F13A1: variants seen among roughly 807,000 people sequenced by gnomAD.
The protein encoded by F13A1 is coagulation factor XIII A chain.
In F13A1, 47 loss-of-function variants were observed where a neutral mutation model predicts 80.1. That is an observed-to-expected ratio of 0.59 (90% CI 0.46 to 0.75). The LOEUF (loss-of-function observed/expected upper bound fraction) is 0.75, where lower values mean the gene tolerates loss of function less well. Ranked by LOEUF, F13A1 falls within the 30% of genes least tolerant of loss-of-function variation. The pLI is 0.00. For synonymous variants in F13A1, 349 were observed against 344.9 expected (o/e 1.01, Z -0.13); for missense variants, 817 against 930.4 (o/e 0.88, Z 1.59).
Position 6,318,688 on chromosome 6 carries a change from G to T in F13A1, c.-18-6C>A. The T allele has an allele frequency of 4.7e-6, 7 of 1,488,484 alleles. No individual in the cohort carries two copies. The highest frequency in any genetic ancestry group is 2.0e-5 in the Admixed American group (1 of 50,574). 92.2% of individuals were successfully genotyped at this position (1,488,484 alleles called of 1,614,324 possible). ...ATTTTTGACTTTACAAGGTCCTTCAGAAAAAAAAAAAAAAGAAGACAACAG... is the reference window on the plus strand; with the variant it reads ...ATTTTTGACTTTACAAGGTCCTTCATAAAAAAAAAAAAAAGAAGACAACAG... On this transcript the variant is annotated splice_polypyrimidine_tract_variant and splice_region_variant and intron_variant, in intron 1 of 14. Coordinates refer to ENST00000264870, the MANE Select transcript of F13A1 (RefSeq NM_000129.4).
At chr6:6,205,716 A>AT (rs963466222) in intron 8 of F13A1, among the ~76,000 whole-genome samples, 48 of 148,574 alleles carry the variant, frequency 3.2e-4, no homozygotes, top group Admixed American at 6.1e-4. Flanking sequence ...GTGTTTTATT[A>AT]TTTTTTTTTT....
intron 3 of F13A1, among the ~76,000 whole-genome samples, chr6:6,288,927 C>T (rs1003846920): frequency 5.9e-5 from 9 of 152,142 alleles, no homozygotes; most frequent in African/African-American, 2.2e-4. Context: ...TTCCATAAGC[C>T]AGTTGGCCAT....
chr6:6,261,585 C>A (rs1757782358), intron 4 of F13A1, among the ~76,000 whole-genome samples: 1 of 83,638 alleles, frequency 1.2e-5, no homozygotes. Context: ...AACAAGCCCT[C>A]CAGGTGATTC....
intron 4 of F13A1, among the ~76,000 whole-genome samples, chr6:6,255,966 A>C (rs1757697539): frequency 6.6e-6 from 1 of 152,186 alleles, no homozygotes; most frequent in Non-Finnish European, 1.5e-5. Context: ...AACTCCAAAA[A>C]AACTCCCTAT....
At chr6:6,183,001 G>A (rs1761015764) in intron 10 of F13A1, among the ~76,000 whole-genome samples, 1 of 152,100 alleles carries the variant, frequency 6.6e-6, no homozygotes, top group South Asian at 2.1e-4. Flanking sequence ...CATGCTGTCT[G>A]CCCCCAAGCT....
intron 4 of F13A1, among the ~76,000 whole-genome samples, chr6:6,261,050 C>A (rs961067738): frequency 3.9e-5 from 6 of 152,144 alleles, no homozygotes; most frequent in African/African-American, 1.2e-4. Context: ...CTCACTGCAA[C>A]CTCCGCCTCC....
At chr6:6,229,341 C>T (rs908624531) in intron 6 of F13A1, among the ~76,000 whole-genome samples, 2 of 152,078 alleles carry the variant, frequency 1.3e-5, no homozygotes, top group East Asian at 1.9e-4. Flanking sequence ...AAATTGAGGA[C>T]CAAATCATAC....
chr6:6,291,405 C>A (rs1758222908), intron 3 of F13A1, among the ~76,000 whole-genome samples: 2 of 152,148 alleles, frequency 1.3e-5, no homozygotes, highest in South Asian at 4.1e-4. Flanking sequence ...ACCCACATTC[C>A]TCTCTAGTTA....
rs1212295423 is a variant in F13A1 at position 6,170,191 on chromosome 6, G to A, written c.1748-2573C>T. On this transcript the variant is annotated intron_variant, in intron 12 of 14. Coordinates refer to ENST00000264870, the MANE Select transcript of F13A1 (RefSeq NM_000129.4). ...TGCCTTTTGCCTCTAGCTGTTTCCA[G>A]TAATAACAATAATAAAATGACTTCT... Among the ~76,000 whole-genome samples the A allele has an allele frequency of 4.6e-5, 7 of 152,318 alleles. No homozygotes were observed. In the South Asian group the frequency reaches 1.5e-3, roughly 32 times the overall value.
intron 4 of F13A1, among the ~76,000 whole-genome samples, chr6:6,261,035 C>G (rs1757772921): frequency 6.6e-6 from 1 of 152,204 alleles, no homozygotes; most frequent in African/African-American, 2.4e-5. Context: ...GTGGTACGAT[C>G]TCGGCTCACT....
intron 12 of F13A1, among the ~76,000 whole-genome samples, chr6:6,173,931 A>C (rs1288104565): frequency 1.3e-5 from 2 of 152,154 alleles, no homozygotes; most frequent in Non-Finnish European, 2.9e-5. Context: ...GGGGTGGGAC[A>C]TGAGATTCTA....
intron 11 of F13A1, among the ~76,000 whole-genome samples, chr6:6,176,649 A>G (rs1197538022): frequency 1.3e-5 from 2 of 152,214 alleles, no homozygotes; most frequent in Non-Finnish European, 2.9e-5. Flanking sequence ...GGGAGGTAAG[A>G]AAAAGGGAAG....
intron 7 of F13A1, 134 bp from the exon 8 acceptor site, chr6:6,222,305 T>C: frequency 8.1e-7 from 1 of 1,231,108 alleles, no homozygotes; most frequent in Non-Finnish European, 1.2e-6. Flanking sequence ...TTCTCAAATG[T>C]TCCATGCTGG....
At chr6:6,259,555 C>T (rs1757749686) in intron 4 of F13A1, among the ~76,000 whole-genome samples, 1 of 152,034 alleles carries the variant, frequency 6.6e-6, no homozygotes, top group East Asian at 1.9e-4. Context: ...ATAGAGAAAT[C>T]CACACACACA....
At chr6:6,286,888 G>T (rs1758146962) in intron 3 of F13A1, among the ~76,000 whole-genome samples, 1 of 152,188 alleles carries the variant, frequency 6.6e-6, no homozygotes, top group African/African-American at 2.4e-5. Context: ...TCTGGCTCTG[G>T]CTGCTGTTAT....
intron 6 of F13A1, among the ~76,000 whole-genome samples, chr6:6,232,027 CAAAAACA>C (rs1459215379): frequency 6.6e-6 from 1 of 151,802 alleles, no homozygotes; most frequent in African/African-American, 2.4e-5. Flanking sequence ...AGTTAAAAAG[CAAAAACA>C]AAAAACAAAA....
intron 8 of F13A1, among the ~76,000 whole-genome samples, chr6:6,198,155 C>T (rs1227240643): frequency 1.3e-5 from 2 of 152,252 alleles, no homozygotes; most frequent in South Asian, 2.1e-4. Flanking sequence ...ATTTCCATCT[C>T]GTGTCCAACA....
chr6:6,281,878 C>T (rs1465451503), intron 3 of F13A1, among the ~76,000 whole-genome samples: 1 of 151,688 alleles, frequency 6.6e-6, no homozygotes, highest in Non-Finnish European at 1.5e-5. Flanking sequence ...CTGTAGTCCC[C>T]AGCTACCCAG....
At chr6:6,316,277 CTTG>C (rs1309502410) in intron 2 of F13A1, among the ~76,000 whole-genome samples, 2 of 150,754 alleles carry the variant, frequency 1.3e-5, no homozygotes, top group African/African-American at 4.9e-5. Context: ...AAATCTGTAG[CTTG>C]TTATTAATAA....
Sources: gnomAD v4.1 joint callset for allele counts (sites outside exome capture counted in the v4.1 genomes callset) on GRCh38, gnomAD v4.1.1 for gene constraint, MANE v1.5 for transcripts, NCBI Gene and HGNC (gene_info 2026-07-23, HGNC 2026-07-21) for gene names.